ATXN8OS: variants seen among roughly 807,000 people sequenced by gnomAD.
ATXN8OS encodes ATXN8 opposite strand (non-protein coding).
chr13:70,170,047 G>A (rs78162121), exon 5 of ATXN8OS, among the ~76,000 whole-genome samples: 12,612 of 152,164 alleles, frequency 0.083, 678 homozygotes, highest in Non-Finnish European at 0.099. Context: ...TGTGAACAGC[G>A]AGAGAAAGCA....
chr13:70,126,294 C>T (rs1831189), intron 2 of ATXN8OS, among the ~76,000 whole-genome samples: 87,778 of 151,856 alleles, frequency 0.58, 26,209 homozygotes, highest in African/African-American at 0.73. Flanking sequence ...TAAATAGATA[C>T]ATGGACAGCT....
intron 2 of ATXN8OS, among the ~76,000 whole-genome samples, chr13:70,122,418 T>C (rs1888371453): frequency 6.6e-6 from 1 of 152,050 alleles, no homozygotes; most frequent in Non-Finnish European, 1.5e-5. Flanking sequence ...CTAAATAAAA[T>C]GTTATTGTAA....
At chr13:70,165,995 G>A (rs1889071717) in intron 4 of ATXN8OS, among the ~76,000 whole-genome samples, 1 of 151,958 alleles carries the variant, frequency 6.6e-6, no homozygotes, top group African/African-American at 2.4e-5. Flanking sequence ...TCCTTTGATT[G>A]TTGATATATT....
intron 3 of ATXN8OS, among the ~76,000 whole-genome samples, chr13:70,141,141 A>G (rs1399577199): frequency 6.6e-6 from 1 of 152,184 alleles, no homozygotes; most frequent in African/African-American, 2.4e-5. Flanking sequence ...TAGTTCTTAC[A>G]GTAATTTTAT....
intron 3 of ATXN8OS, among the ~76,000 whole-genome samples, chr13:70,137,140 A>C (rs1041261609): frequency 1.3e-5 from 2 of 152,240 alleles, no homozygotes; most frequent in Non-Finnish European, 2.9e-5. Context: ...AATAGCCTAT[A>C]AACTTCAGTA....
At chr13:70,144,284 G>T (rs923565167) in intron 3 of ATXN8OS, among the ~76,000 whole-genome samples, 3 of 151,910 alleles carry the variant, frequency 2.0e-5, no homozygotes, top group African/African-American at 7.3e-5. Context: ...CATTTCATAG[G>T]TCACCTGGAA....
At position 70,127,469 on chromosome 13, in the gene ATXN8OS, C is replaced by T. The variant is rs1316703697; in HGVS notation, n.399-2315C>T. On this transcript the variant is annotated intron_variant and non_coding_transcript_variant, in intron 2 of 4. Transcript: ENST00000678624. ...ATTAACTTAGTGTTCTAAAAATAAACTAACATAGAGAGGTATATATGTAAA... is the reference window on the plus strand; with the variant it reads ...ATTAACTTAGTGTTCTAAAAATAAATTAACATAGAGAGGTATATATGTAAA... Among the ~76,000 whole-genome samples the T allele has an allele frequency of 5.9e-5, 9 of 151,990 alleles. No homozygotes were observed. In the South Asian group the frequency reaches 1.9e-3, roughly 31 times the overall value.
intron 1 of ATXN8OS, among the ~76,000 whole-genome samples, chr13:70,110,975 A>T (rs1280154458): frequency 6.6e-6 from 1 of 152,194 alleles, no homozygotes; most frequent in East Asian, 1.9e-4. Flanking sequence ...TAAAGACAGA[A>T]ACTATTTAAT....
chr13:70,148,401 A>G (rs976933313), intron 4 of ATXN8OS, among the ~76,000 whole-genome samples: 3 of 152,128 alleles, frequency 2.0e-5, no homozygotes, highest in Non-Finnish European at 4.4e-5. Flanking sequence ...TGTCAGTCTT[A>G]GGATCTCTCT....
intron 4 of ATXN8OS, among the ~76,000 whole-genome samples, chr13:70,169,305 T>C (rs113780925): frequency 0.075 from 11,371 of 152,192 alleles, 637 homozygotes; most frequent in Non-Finnish European, 0.1. Context: ...AATCTTTTTG[T>C]TTGTTTTTTG....
upstream of ATXN8OS, chr13:70,107,598 C>T (rs749505853): frequency 3.1e-6 from 5 of 1,596,920 alleles, no homozygotes; most frequent in African/African-American, 4.0e-5. Flanking sequence ...GGCAGCCTCC[C>T]CCCGCCGGGC....
chr13:70,131,046 G>T, intron 3 of ATXN8OS: 1 of 398,476 alleles, frequency 2.5e-6, no homozygotes, highest in Admixed American at 4.4e-5. Flanking sequence ...TTCTCAACAG[G>T]TGATTATTCT....
intron 3 of ATXN8OS, among the ~76,000 whole-genome samples, chr13:70,145,574 G>C (rs1888771946): frequency 6.6e-6 from 1 of 151,974 alleles, no homozygotes; most frequent in African/African-American, 2.4e-5. Flanking sequence ...CACATCCCTT[G>C]TAAGTTGGAT....
chr13:70,145,535 G>GTTT (rs1593771388), intron 3 of ATXN8OS, among the ~76,000 whole-genome samples: 2 of 151,824 alleles, frequency 1.3e-5, no homozygotes, highest in African/African-American at 4.8e-5. Context: ...ATTGAGCAGT[G>GTTT]GTTTGTAGTT....
Position 70,139,480 on chromosome 13 carries a change from A to C in ATXN8OS, n.500-7875A>C. 6.2e-6 allele frequency: 4 copies of C among 649,928 alleles called. No individual in the cohort carries two copies. The South Asian group carries it at 8.3e-5, about 14-fold the overall frequency. 40.3% of individuals were successfully genotyped at this position (649,928 alleles called of 1,614,324 possible). A position where few individuals can be genotyped will look rare whatever the true frequency, so the allele number is the denominator to read the frequency against. On this transcript the variant is annotated intron_variant and non_coding_transcript_variant, in intron 3 of 4. Coordinates refer to ENST00000678624, the Ensembl canonical transcript of ATXN8OS. The stretch of plus-strand genomic sequence containing the variant: ...TTTACTATTTGATGTTATAATTGTT[A>C]TATATTTTTCCACACTTCCTCATAC...
At position 70,160,746 on chromosome 13, in the gene ATXN8OS, TATAATTTTATATTTATATAATATGTAA is replaced by T. The variant is rs1888997394; in HGVS notation, n.574-9003_574-8977del. ...TATATATATTTATATAATTTTTATA[TATAATTTTATATTTATATAATATGTAA>T]ATATATAAATATTTATTTATAAATA... On this transcript the variant is annotated intron_variant and non_coding_transcript_variant, in intron 4 of 4. Transcript: ENST00000678624. Among the ~76,000 whole-genome samples the T allele has an allele frequency of 5.5e-5, 2 of 36,242 alleles. 1 individual carries two copies. The highest frequency in any genetic ancestry group is 2.1e-4 in the Non-Finnish European group (2 of 9,524). 23.8% of individuals were successfully genotyped at this position (36,242 alleles called of 152,430 possible).
Position 70,120,785 on chromosome 13 carries a change from G to A in ATXN8OS, n.398+5487G>A, listed in dbSNP as rs547907798. Among the ~76,000 whole-genome samples the A allele has an allele frequency of 3.9e-5, 6 of 152,124 alleles. No homozygotes were observed. The East Asian group carries it at 1.2e-3, about 29-fold the overall frequency. ...TGTCCTTTGTAGGGACATGGATGAAGCTGGAAACCATCATTCTCAGCAAAC... is the reference window on the plus strand; with the variant it reads ...TGTCCTTTGTAGGGACATGGATGAAACTGGAAACCATCATTCTCAGCAAAC... On this transcript the variant is annotated intron_variant and non_coding_transcript_variant, in intron 2 of 4. Transcript: ENST00000678624.
At chr13:70,151,340 G>A (rs1166802955) in intron 4 of ATXN8OS, among the ~76,000 whole-genome samples, 2 of 151,992 alleles carry the variant, frequency 1.3e-5, no homozygotes, top group Non-Finnish European at 2.9e-5. Context: ...TCTATTATCT[G>A]CTTCTGAGTT....
At chr13:70,115,017 C>T (rs1888253235) in intron 1 of ATXN8OS, 1 of 383,328 alleles carries the variant, frequency 2.6e-6, no homozygotes, top group African/African-American at 2.2e-5. Context: ...AAATTGAGCT[C>T]TCTTTCTAAC....
Sources: gnomAD v4.1 joint callset for allele counts (sites outside exome capture counted in the v4.1 genomes callset) on GRCh38, gnomAD v4.1.1 for gene constraint, MANE v1.5 for transcripts, NCBI Gene and HGNC (gene_info 2026-07-23, HGNC 2026-07-21) for gene names.